Variants in TRAPPC9 observed in about 807,000 individuals in gnomAD.
The protein encoded by TRAPPC9 is IKK2 binding protein.
TRAPPC9 carries 83 observed loss-of-function variants against 124.0 expected under a neutral mutation model. That is an observed-to-expected ratio of 0.67 (90% confidence interval 0.56 to 0.80). The LOEUF (loss-of-function observed/expected upper bound fraction) is 0.80, where lower values mean the gene tolerates loss of function less well. Ranked by LOEUF, TRAPPC9 falls within the 30% of genes least tolerant of loss-of-function variation. The pLI is 0.00. For missense variants in TRAPPC9, 1,302 were observed against 1,508.3 expected, an observed-to-expected ratio of 0.86 and a Z score of 2.27; for synonymous variants, 638 against 617.5, an observed-to-expected ratio of 1.03 and a Z score of -0.49.
intron 21 of TRAPPC9, among the ~76,000 whole-genome samples, chr8:139,761,466 A>C (rs941901240): frequency 2.0e-5 from 3 of 152,192 alleles, no homozygotes; most frequent in African/African-American, 7.2e-5. Flanking sequence ...CTGGGCGGGA[A>C]AGTGATGATG....
chr8:140,229,485 T>G (rs1482862139), intron 16 of TRAPPC9, among the ~76,000 whole-genome samples: 1 of 151,908 alleles, frequency 6.6e-6, no homozygotes, highest in Non-Finnish European at 1.5e-5. Flanking sequence ...AGGCTGCTCT[T>G]GAACTCCTGA....
intron 18 of TRAPPC9, among the ~76,000 whole-genome samples, chr8:140,009,185 C>T (rs1838959132): frequency 6.6e-6 from 1 of 152,170 alleles, no homozygotes. Context: ...CTTGATACTT[C>T]AGAAGAACAT....
At chr8:140,199,541 CAT>C (rs2062743128) in intron 17 of TRAPPC9, among the ~76,000 whole-genome samples, 1 of 19,748 alleles carries the variant, frequency 5.1e-5, no homozygotes, top group Non-Finnish European at 1.1e-4. Context: ...TCCACTGCAT[CAT>C]GCTGCTTTCT....
chr8:140,372,933 C>T (rs964882433), intron 7 of TRAPPC9, among the ~76,000 whole-genome samples: 3 of 152,214 alleles, frequency 2.0e-5, no homozygotes, highest in Non-Finnish European at 4.4e-5. Flanking sequence ...ACCACTAGAC[C>T]CCTTCAGGAC....
intron 21 of TRAPPC9, among the ~76,000 whole-genome samples, chr8:139,798,551 CAG>C (rs920199572): frequency 1.3e-5 from 2 of 152,194 alleles, no homozygotes; most frequent in African/African-American, 4.8e-5. Flanking sequence ...TTTTCAAAGA[CAG>C]GGGCACTGGG....
Position 140,187,340 on chromosome 8 carries a change from G to A in TRAPPC9, c.2556+34119C>T, listed in dbSNP as rs564757197. 9.2e-5 allele frequency among the ~76,000 whole-genome samples: 14 copies of A among 152,270 alleles called. No individual in the cohort carries two copies. The East Asian group carries it at 9.6e-4, about 10-fold the overall frequency. On this transcript the variant is annotated intron_variant, in intron 17 of 22. Coordinates refer to ENST00000438773, the MANE Select transcript of TRAPPC9 (RefSeq NM_001160372.4). ...AGGGACAACTGTATTTGCAATATAC[G>A]TACTGGCTGAGCATCCCAACTCGGA...
intron 16 of TRAPPC9, among the ~76,000 whole-genome samples, chr8:140,228,194 C>A (rs1044315086): frequency 3.9e-5 from 6 of 152,110 alleles, no homozygotes; most frequent in Non-Finnish European, 8.8e-5. Context: ...TGAGAGGCAC[C>A]AAAAATAAAC....
At chr8:139,838,648 G>A (rs1171970091) in intron 21 of TRAPPC9, among the ~76,000 whole-genome samples, 1 of 151,534 alleles carries the variant, frequency 6.6e-6, no homozygotes, top group Non-Finnish European at 1.5e-5. Flanking sequence ...GGAAGAGGCT[G>A]CTGCTGTGAT....
chr8:139,763,780 G>C (rs575296864), intron 21 of TRAPPC9, among the ~76,000 whole-genome samples: 1 of 152,370 alleles, frequency 6.6e-6, no homozygotes, highest in East Asian at 1.9e-4. Flanking sequence ...GCTCAGACCA[G>C]GTCGAAGCTG....
chr8:140,142,428 C>T (rs1158188500), intron 17 of TRAPPC9, among the ~76,000 whole-genome samples: 3 of 152,254 alleles, frequency 2.0e-5, no homozygotes, highest in Admixed American at 6.5e-5. Context: ...TGGGCCGGCA[C>T]CGCAGCAGCC....
chr8:140,145,288 C>T (rs995110276), intron 17 of TRAPPC9, among the ~76,000 whole-genome samples: 1 of 151,806 alleles, frequency 6.6e-6, no homozygotes, highest in African/African-American at 2.4e-5. Context: ...ATTAATATAC[C>T]TCTTTTTCCC....
At chr8:140,151,228 G>GC (rs750184810) in intron 17 of TRAPPC9, among the ~76,000 whole-genome samples, 22 of 152,188 alleles carry the variant, frequency 1.4e-4, no homozygotes, top group Non-Finnish European at 2.2e-4. Context: ...CATCAAAGCT[G>GC]CCCCTAGGCA....
intron 19 of TRAPPC9, among the ~76,000 whole-genome samples, chr8:139,934,666 C>T (rs927175681): frequency 6.6e-6 from 1 of 152,228 alleles, no homozygotes; most frequent in Non-Finnish European, 1.5e-5. Context: ...CTCCAGGCTG[C>T]ACATGTGGCC....
chr8:140,365,411 A>G (rs569489504), intron 8 of TRAPPC9, among the ~76,000 whole-genome samples: 1 of 152,332 alleles, frequency 6.6e-6, no homozygotes, highest in South Asian at 2.1e-4. Flanking sequence ...ACCAGGCTGT[A>G]AGAAATGAGG....
intron 15 of TRAPPC9, among the ~76,000 whole-genome samples, chr8:140,259,656 C>T (rs2064353657): frequency 6.6e-6 from 1 of 152,232 alleles, no homozygotes; most frequent in African/African-American, 2.4e-5. Flanking sequence ...ATTCCTCCCA[C>T]TCCTCAAGCC....
At chr8:140,268,621 T>C (rs2064770776) in intron 15 of TRAPPC9, among the ~76,000 whole-genome samples, 1 of 152,156 alleles carries the variant, frequency 6.6e-6, no homozygotes, top group South Asian at 2.1e-4. Flanking sequence ...CGGCTCCTCG[T>C]GCAGCTGACC....
intron 7 of TRAPPC9, among the ~76,000 whole-genome samples, chr8:140,383,169 C>A (rs2068659340): frequency 6.6e-6 from 1 of 152,174 alleles, no homozygotes. Context: ...CTGTATATCA[C>A]CATCATCAAA....
At chr8:140,253,851 C>T (rs954001385) in intron 15 of TRAPPC9, among the ~76,000 whole-genome samples, 3 of 152,138 alleles carry the variant, frequency 2.0e-5, no homozygotes, top group African/African-American at 4.8e-5. Context: ...CTGACTAACT[C>T]GAGTGCCATG....
At chr8:140,114,181 C>T (rs2130536859) in intron 17 of TRAPPC9, among the ~76,000 whole-genome samples, 1 of 152,214 alleles carries the variant, frequency 6.6e-6, no homozygotes, top group East Asian at 1.9e-4. Flanking sequence ...CCAATCCCCT[C>T]ACCTAAACTA....
Sources: gnomAD v4.1 joint callset for allele counts (sites outside exome capture counted in the v4.1 genomes callset) on GRCh38, gnomAD v4.1.1 for gene constraint, MANE v1.5 for transcripts, NCBI Gene and HGNC (gene_info 2026-07-23, HGNC 2026-07-21) for gene names.